Variants in SEMA6D observed in about 807,000 individuals in gnomAD.
SEMA6D encodes the protein semaphorin-6D.
A neutral mutation model predicts 106.6 loss-of-function variants in SEMA6D; 35 were observed. That is an observed-to-expected ratio of 0.33 (90% CI 0.25 to 0.44). SEMA6D has a LOEUF of 0.44. Among genes scored for constraint, SEMA6D ranks in the 20% least tolerant of loss-of-function variants. SEMA6D has a pLI of 1.00. For missense variants in SEMA6D, 1,185 were observed against 1,345.9 expected (o/e 0.88, Z 1.87); for synonymous variants, 499 against 487.7 (o/e 1.02, Z -0.31).
intron 1 of SEMA6D, among the ~76,000 whole-genome samples, chr15:47,399,210 G>T (rs1325438849): frequency 6.6e-6 from 1 of 152,104 alleles, no homozygotes; most frequent in African/African-American, 2.4e-5. Flanking sequence ...GAAAATAAAA[G>T]AGGTTAAGTG....
intron 3 of SEMA6D, among the ~76,000 whole-genome samples, chr15:47,543,640 C>G (rs1566873878): frequency 6.6e-6 from 1 of 152,062 alleles, no homozygotes; most frequent in African/African-American, 2.4e-5. Flanking sequence ...CACCTATGGG[C>G]TAGTTATTTT....
At chr15:47,281,757 G>A (rs1258662138) in intron 1 of SEMA6D, among the ~76,000 whole-genome samples, 1 of 152,036 alleles carries the variant, frequency 6.6e-6, no homozygotes, top group Non-Finnish European at 1.5e-5. Flanking sequence ...AAATATTCAT[G>A]TGAATTTACT....
chr15:47,730,541 G>A, intron 1 of SEMA6D: 1 of 1,318,678 alleles, frequency 7.6e-7, no homozygotes, highest in Non-Finnish European at 1.1e-6. Context: ...TCGAAGGACA[G>A]GTGGTCTCTT....
chr15:47,231,168 CTCTT>C (rs1438319355), intron 1 of SEMA6D, among the ~76,000 whole-genome samples: 1 of 151,886 alleles, frequency 6.6e-6, no homozygotes, highest in African/African-American at 2.4e-5. Flanking sequence ...CTTTTTCTCT[CTCTT>C]TTATTTGGCT....
At chr15:47,250,271 A>G (rs1385175104) in intron 1 of SEMA6D, among the ~76,000 whole-genome samples, 1 of 152,120 alleles carries the variant, frequency 6.6e-6, no homozygotes. Context: ...ACAAGACACG[A>G]CATACTGTGC....
At chr15:47,407,230 A>G (rs2146115590) in intron 1 of SEMA6D, among the ~76,000 whole-genome samples, 1 of 151,960 alleles carries the variant, frequency 6.6e-6, no homozygotes, top group South Asian at 2.1e-4. Context: ...GGCATGGTGC[A>G]TGGTGGCAGA....
intron 3 of SEMA6D, among the ~76,000 whole-genome samples, chr15:47,478,199 T>C (rs1026890047): frequency 2.2e-4 from 33 of 152,260 alleles, no homozygotes; most frequent in African/African-American, 7.2e-4. Context: ...TGAATTATCC[T>C]TTATTTTTCA....
At position 47,763,953 on chromosome 15, in the gene SEMA6D, G is replaced by C; in HGVS notation, c.851G>C (p.Cys284Ser). The C allele has an allele frequency of 6.2e-7, 1 of 1,613,976 alleles. No individual in the cohort carries two copies. The highest frequency in any genetic ancestry group is 8.5e-7 in the Non-Finnish European group (1 of 1,179,888). The stretch of plus-strand genomic sequence containing the variant: ...TCATTTCTAAAGGCTCGGCTGAACT[G>C]TTCTGTCCCTGGAGATTCGTTTTTC... The part of the protein sequence containing the change: ...WTSFLKARLN[C>S]SVPGDSFFYF... Residue 284 changes from cysteine to serine, a missense_variant, in exon 10 of 19, where the codon TGT becomes TCT. Coordinates refer to ENST00000536845, the MANE Select transcript of SEMA6D (RefSeq NM_001358351.3).
intron 3 of SEMA6D, among the ~76,000 whole-genome samples, chr15:47,583,012 A>G (rs1263499572): frequency 6.6e-6 from 1 of 152,230 alleles, no homozygotes; most frequent in Non-Finnish European, 1.5e-5. Flanking sequence ...AAATCAGCAC[A>G]TATTTACTGA....
At chr15:47,543,705 A>G (rs1421692580) in intron 3 of SEMA6D, among the ~76,000 whole-genome samples, 2 of 152,102 alleles carry the variant, frequency 1.3e-5, no homozygotes, top group Admixed American at 6.6e-5. Flanking sequence ...AAGGGTTTGA[A>G]CTAGGTGATC....
chr15:47,437,053 A>G (rs2041739436), intron 2 of SEMA6D, among the ~76,000 whole-genome samples: 1 of 62,114 alleles, frequency 1.6e-5, no homozygotes, highest in Non-Finnish European at 3.1e-5. Flanking sequence ...AGGGGAGGGG[A>G]TGGGAAGGGG....
intron 4 of SEMA6D, among the ~76,000 whole-genome samples, chr15:47,706,763 T>C (rs1355398193): frequency 2.0e-5 from 3 of 152,120 alleles, no homozygotes; most frequent in Admixed American, 6.5e-5. Context: ...GAGAACACTA[T>C]ATAAGTTGTT....
intron 1 of SEMA6D, among the ~76,000 whole-genome samples, chr15:47,271,367 G>A (rs557384680): frequency 6.6e-6 from 1 of 152,292 alleles, no homozygotes; most frequent in African/African-American, 2.4e-5. Flanking sequence ...TCTTACCTGG[G>A]AATATGCAAG....
chr15:47,663,230 A>G (rs1453521894), intron 4 of SEMA6D, among the ~76,000 whole-genome samples: 1 of 152,206 alleles, frequency 6.6e-6, no homozygotes, highest in Non-Finnish European at 1.5e-5. Flanking sequence ...AGATGCTAAC[A>G]AATTCCAGGA....
chr15:47,306,858 C>T (rs748202897), intron 1 of SEMA6D, among the ~76,000 whole-genome samples: 1 of 152,188 alleles, frequency 6.6e-6, no homozygotes, highest in Admixed American at 6.5e-5. Flanking sequence ...AGAAGATATG[C>T]AACTCTTCAA....
intron 1 of SEMA6D, among the ~76,000 whole-genome samples, chr15:47,316,885 T>C (rs2036704221): frequency 6.6e-6 from 1 of 152,194 alleles, no homozygotes; most frequent in Non-Finnish European, 1.5e-5. Flanking sequence ...TCTTTTCTTG[T>C]AACATCTTCG....
intron 3 of SEMA6D, among the ~76,000 whole-genome samples, chr15:47,552,205 A>C (rs1227569697): frequency 6.6e-6 from 1 of 152,150 alleles, no homozygotes; most frequent in African/African-American, 2.4e-5. Flanking sequence ...TCTGAAGTCT[A>C]TGTAGCAATA....
intron 1 of SEMA6D, chr15:47,399,277 C>T (rs1051227151): frequency 2.6e-5 from 4 of 152,168 alleles, no homozygotes; most frequent in Non-Finnish European, 4.4e-5. Flanking sequence ...AGTGAGCTTT[C>T]TAGTCCACTG....
At chr15:47,366,438 G>A (rs2039033136) in intron 1 of SEMA6D, among the ~76,000 whole-genome samples, 1 of 152,188 alleles carries the variant, frequency 6.6e-6, no homozygotes, top group Non-Finnish European at 1.5e-5. Context: ...AGAGTTCGGA[G>A]ATGAGGATAT....
Sources: allele counts gnomAD v4.1 joint callset (sites outside exome capture counted in the v4.1 genomes callset), GRCh38; gene constraint gnomAD v4.1.1; transcripts MANE v1.5; gene names NCBI Gene and HGNC (gene_info 2026-07-23, HGNC 2026-07-21).